ZNF790: variants seen among roughly 807,000 people sequenced by gnomAD.
ZNF790 encodes the protein zinc finger protein 790.
A neutral mutation model predicts 12.1 loss-of-function variants in ZNF790; 8 were observed. That is an observed-to-expected ratio of 0.66 (90% CI 0.39 to 1.19). The LOEUF is 1.19. Among genes scored for constraint, ZNF790 ranks in the 50% most tolerant of loss-of-function variants. The pLI is 0.01. For missense variants in ZNF790, 707 were observed against 752.2 expected, an observed-to-expected ratio of 0.94 and a Z score of 0.70; for synonymous variants, 252 against 244.3, an observed-to-expected ratio of 1.03 and a Z score of -0.29.
chr19:36,824,672 A>T (rs116244489), intron 2 of ZNF790, among the ~76,000 whole-genome samples: 2,394 of 152,300 alleles, frequency 0.016, 68 homozygotes, highest in African/African-American at 0.053. Flanking sequence ...ATGGTAGCCC[A>T]GAACAGACAT....
At chr19:36,846,772 A>G (rs1485645840) in intron 1 of ZNF790, among the ~76,000 whole-genome samples, 1 of 152,214 alleles carries the variant, frequency 6.6e-6, no homozygotes, top group Admixed American at 6.5e-5. Flanking sequence ...TCAAGAGGCC[A>G]ATTATATTAA....
Position 36,819,535 on chromosome 19 carries a change from C to CT in ZNF790, c.808dup (p.Ser270LysfsTer4). 1.9e-6 allele frequency: 3 copies of CT among 1,612,904 alleles called. No homozygotes were observed. Among genetic ancestry groups the CT allele is most frequent in the Non-Finnish European group, 2.5e-6 (3 of 1,179,352 alleles). The stretch of plus-strand genomic sequence containing the variant: ...ACCAGTATGAATTCGCTTATGGACA[C>CT]TAAGTTGTGAATGAAATCTAAAGGC... On this transcript the variant is annotated frameshift_variant, in exon 5 of 5. Transcript: ENST00000356725. LOFTEE classifies it low-confidence loss of function (END_TRUNC).
At chr19:36,833,906 A>G (rs540364139) in intron 1 of ZNF790, among the ~76,000 whole-genome samples, 1 of 152,304 alleles carries the variant, frequency 6.6e-6, no homozygotes, top group Admixed American at 6.5e-5. Flanking sequence ...GAAAAATGAT[A>G]ATGATCAGAC....
upstream of ZNF790, among the ~76,000 whole-genome samples, chr19:36,840,781 G>A (rs545934603): frequency 5.8e-4 from 89 of 152,292 alleles, no homozygotes; most frequent in African/African-American, 2.1e-3. Context: ...TCCTAAAGAT[G>A]TATGGTTTTC....
At chr19:36,848,756 G>A (rs112066047) in intron 1 of ZNF790, among the ~76,000 whole-genome samples, 9 of 151,380 alleles carry the variant, frequency 5.9e-5, no homozygotes, top group African/African-American at 2.2e-4. Context: ...GGGGGTTGGG[G>A]GGGTGGTGGC....
intron 1 of ZNF790, among the ~76,000 whole-genome samples, chr19:36,835,402 T>C (rs1419680258): frequency 6.6e-6 from 1 of 152,226 alleles, no homozygotes; most frequent in Admixed American, 6.5e-5. Context: ...AAATAAAAGT[T>C]CACTAAGTTC....
intron 1 of ZNF790, among the ~76,000 whole-genome samples, chr19:36,849,320 C>A (rs2146101487): frequency 6.6e-6 from 1 of 152,266 alleles, no homozygotes; most frequent in African/African-American, 2.4e-5. Flanking sequence ...GCAACCTCTA[C>A]CACCTCCCAA....
intron 1 of ZNF790, among the ~76,000 whole-genome samples, chr19:36,834,760 C>A (rs1332183440): frequency 2.0e-5 from 3 of 152,072 alleles, no homozygotes; most frequent in Non-Finnish European, 4.4e-5. Context: ...CAAGAATGCT[C>A]TCTTCCTGAT....
chr19:36,831,702 G>A (rs1311491885), intron 1 of ZNF790, among the ~76,000 whole-genome samples: 1 of 152,100 alleles, frequency 6.6e-6, no homozygotes, highest in Non-Finnish European at 1.5e-5. Context: ...TATGCAAAAC[G>A]CAGAGCACCT....
intron 1 of ZNF790, among the ~76,000 whole-genome samples, chr19:36,836,987 C>T (rs1354994680): frequency 6.6e-6 from 1 of 152,052 alleles, no homozygotes; most frequent in Non-Finnish European, 1.5e-5. Flanking sequence ...TGAGTCCATT[C>T]TTTGGGACGG....
In ZNF790 at chr19:36,819,457, T is replaced by G; in HGVS notation, c.887A>C (p.Asp296Ala). The G allele has an allele frequency of 6.2e-7, 1 of 1,610,518 alleles. No individual in the cohort carries two copies. Among genetic ancestry groups the G allele is most frequent in the Non-Finnish European group, 8.5e-7 (1 of 1,177,886 alleles). ...ECGKAFSCGS[D>A]LTRHQRIHTG... ...ATGAATTCTCTGATGTCGAGTAAGA[T>G]CTGAGCCACAACTAAAGGCCTTCCC... Residue 296 changes from aspartate (D) to alanine (A), a missense_variant, in exon 5 of 5, where the codon GAT (aspartate) becomes GCT (alanine). Asp to Ala is a moderately radical substitution (Grantham distance 126). Transcript: ENST00000356725.
intron 1 of ZNF790, among the ~76,000 whole-genome samples, chr19:36,826,475 C>T (rs908851679): frequency 2.7e-5 from 4 of 150,798 alleles, no homozygotes; most frequent in African/African-American, 9.8e-5. Context: ...CCCAGCTATT[C>T]GGGAGGCTGA....
In ZNF790 at chr19:36,819,174, A is replaced by G. The variant is rs1317388026; in HGVS notation, c.1170T>C (p.Gly390=). Residue 390 remains glycine, a synonymous_variant, in exon 5 of 5, where the codon GGT becomes GGC. Coordinates refer to ENST00000356725, the MANE Select transcript of ZNF790 (RefSeq NM_206894.4). ...NLAQHQNVHV[G]RKPYKCEKCG... ...ATTTCTCACATTTATAAGGTTTCCTACCAACATGAACATTCTGATGTTGAG... is the reference window on the plus strand; with the variant it reads ...ATTTCTCACATTTATAAGGTTTCCTGCCAACATGAACATTCTGATGTTGAG... 1.2e-6 allele frequency: 2 copies of G among 1,614,058 alleles called. No individual in the cohort carries two copies. The highest frequency in any genetic ancestry group is 1.7e-6 in the Non-Finnish European group (2 of 1,179,982).
At position 36,823,794 on chromosome 19, in the gene ZNF790, T is replaced by A; in HGVS notation, c.10-4A>T. ...CCACATCCCTGAACATCATCAACTG[T>A]TGGAAAGAATAATTCCAAGTATTAA... On this transcript the variant is annotated splice_region_variant and splice_polypyrimidine_tract_variant and intron_variant, in intron 2 of 4. Transcript: ENST00000356725. 1 of 1,596,804 alleles carries A rather than the reference T, an allele frequency of 6.3e-7. No homozygotes were observed. The highest frequency in any genetic ancestry group is 8.5e-7 in the Non-Finnish European group (1 of 1,175,408).
At chr19:36,827,576 C>A (rs2071855790) in intron 1 of ZNF790, 3 of 153,002 alleles carry the variant, frequency 2.0e-5, no homozygotes, top group South Asian at 3.6e-4. Flanking sequence ...ACAACCTGTT[C>A]CAGGACTTGG....
intron 1 of ZNF790, among the ~76,000 whole-genome samples, chr19:36,845,014 C>CT (rs2072165130): frequency 7.8e-6 from 1 of 128,256 alleles, no homozygotes; most frequent in Non-Finnish European, 1.6e-5. Context: ...CGCCACTGCA[C>CT]TCCAGCCTGG....
intron 1 of ZNF790, among the ~76,000 whole-genome samples, chr19:36,836,570 G>A (rs1184847258): frequency 1.3e-5 from 2 of 152,022 alleles, no homozygotes; most frequent in African/African-American, 2.4e-5. Context: ...CATCCTGGCC[G>A]ACACGGTGAA....
At chr19:36,847,345 T>C (rs565743936) in intron 1 of ZNF790, among the ~76,000 whole-genome samples, 33 of 152,110 alleles carry the variant, frequency 2.2e-4, no homozygotes, top group Non-Finnish European at 4.4e-4. Flanking sequence ...AGTAAGACTT[T>C]GTCTTGGGAA....
rs1486998408 is a variant in ZNF790 at position 36,827,076 on chromosome 19, GTA to G, written c.-73-1386_-73-1385del. 2.5e-3 allele frequency among the ~76,000 whole-genome samples: 337 copies of G among 134,766 alleles called. 4 individuals carry two copies. Among genetic ancestry groups the G allele is most frequent in the African/African-American group, 8.6e-3 (327 of 37,902 alleles). 88.4% of individuals were successfully genotyped at this position (134,766 alleles called of 152,430 possible). A position where few individuals can be genotyped will look rare whatever the true frequency, so the allele number is the denominator to read the frequency against. Reference sequence around the variant, plus strand: ...ATAGATATATATGTGTGTTGTGTGTGTATGTGTGTATATATGTGTGTGTGTGT... The same window carrying G: ...ATAGATATATATGTGTGTTGTGTGTGTGTGTGTATATATGTGTGTGTGTGT... On this transcript the variant is annotated intron_variant, in intron 1 of 4. Coordinates refer to ENST00000356725, the MANE Select transcript of ZNF790 (RefSeq NM_206894.4).
Sources: allele counts gnomAD v4.1 joint callset (sites outside exome capture counted in the v4.1 genomes callset), GRCh38; gene constraint gnomAD v4.1.1; transcripts MANE v1.5; gene names NCBI Gene and HGNC (gene_info 2026-07-23, HGNC 2026-07-21).